Variants in PLAGL1 observed in about 807,000 individuals in gnomAD.
PLAGL1 encodes the protein zinc finger protein PLAGL1.
PLAGL1 carries 1 observed loss-of-function variant against 4.6 expected under a neutral mutation model. That is an observed-to-expected ratio of 0.22 (90% confidence interval 0.08 to 1.03). The LOEUF is 1.03. Among genes scored for constraint, PLAGL1 ranks in the 50% least tolerant of loss-of-function variants. The probability of loss-of-function intolerance (pLI) is 0.58; values close to 1 mark genes in which losing one functional copy is unlikely to be tolerated. For synonymous variants in PLAGL1, 240 were observed against 237.8 expected (o/e 1.01, Z -0.08); for missense variants, 464 against 570.4 (o/e 0.81, Z 1.90).
upstream of PLAGL1, among the ~76,000 whole-genome samples, chr6:144,009,348 T>G (rs972380561): frequency 6.6e-5 from 10 of 152,212 alleles, no homozygotes; most frequent in African/African-American, 2.4e-4. Context: ...TAGTTCTTGA[T>G]GGACTTCCTT....
In PLAGL1 at chr6:143,953,026, C is replaced by CACTTGCTG. The variant is rs1186295528; in HGVS notation, c.-324-4574_-324-4567dup. ...CGGAAGGCAAGGCCAAGGATCACTC[C>CACTTGCTG]ACTTGCTGTTTCCTTAAAGTGCTAC... is the stretch of plus-strand genomic sequence containing the variant. On this transcript the variant is annotated intron_variant, in intron 6 of 7. Coordinates refer to ENST00000674357, the MANE Select transcript of PLAGL1 (RefSeq NM_001317162.2). The surrounding 1 kb of genome is among the most constrained non-coding windows in gnomAD (Gnocchi z 5.3). 4.6e-5 allele frequency among the ~76,000 whole-genome samples: 7 copies of CACTTGCTG among 152,220 alleles called. No individual in the cohort carries two copies. Among genetic ancestry groups the CACTTGCTG allele is most frequent in the Admixed American group, 6.5e-5 (1 of 15,286 alleles).
intron 1 of PLAGL1, among the ~76,000 whole-genome samples, chr6:144,030,828 G>C (rs1172083294): frequency 6.6e-6 from 1 of 152,196 alleles, no homozygotes. Flanking sequence ...ATCGTATAAT[G>C]ACTTCTTTTC....
At chr6:143,980,844 G>T (rs1187312856) in intron 2 of PLAGL1, among the ~76,000 whole-genome samples, 1 of 152,172 alleles carries the variant, frequency 6.6e-6, no homozygotes, top group Non-Finnish European at 1.5e-5. Flanking sequence ...CTGGGATACA[G>T]TTAAGCTACT....
Position 143,968,797 on chromosome 6 carries a change from A to C in PLAGL1, c.-472+110T>G, listed in dbSNP as rs1330697851. ...AGCCCCTCTACCATGGAGGAGGCGA[A>C]GGCTCTGGTTTGTGCTGTAATGCGA... On this transcript the variant is annotated intron_variant, in intron 3 of 7. Coordinates refer to ENST00000674357, the MANE Select transcript of PLAGL1 (RefSeq NM_001317162.2). This position sits in a 1 kb window ranked among gnomAD's most constrained non-coding sequence, Gnocchi z 6.3. The C allele has an allele frequency of 3.3e-5, 5 of 152,370 alleles. No individual in the cohort carries two copies. In the East Asian group the frequency reaches 7.7e-4, roughly 24 times the overall value. 9.4% of individuals were successfully genotyped at this position (152,370 alleles called of 1,614,324 possible).
Position 144,059,839 on chromosome 6 carries a change from T to C in PLAGL1, c.-151+4629A>G, listed in dbSNP as rs757751870. ...TAGGGCCTTTTTGAGAGATCAGCCT[T>C]GAGGTCCATTTTGGGAGATAACCTC... On this transcript the variant is annotated intron_variant, in intron 1 of 3. Transcript: ENST00000437412. The surrounding 1 kb of genome is among the most constrained non-coding windows in gnomAD (Gnocchi z 4.9). Among the ~76,000 whole-genome samples, 1 of 152,162 alleles carries C rather than the reference T, an allele frequency of 6.6e-6. No individual in the cohort carries two copies. The highest frequency in any genetic ancestry group is 1.5e-5 in the Non-Finnish European group (1 of 68,032).
chr6:144,017,193 A>G (rs1418018448), intron 1 of PLAGL1, among the ~76,000 whole-genome samples: 1 of 152,200 alleles, frequency 6.6e-6, no homozygotes, highest in Non-Finnish European at 1.5e-5. Flanking sequence ...ACCTGTATAC[A>G]TATGTAGTTT....
chr6:143,971,192 C>G lies in PLAGL1; in HGVS notation c.-543-2214G>C, dbSNP rs1785354087. ...TTCTGTTTCATGAGAAATCTAAAAT[C>G]TCAGAATCACATCCCGCTGACCCGA... On this transcript the variant is annotated intron_variant, in intron 2 of 7. Transcript: ENST00000674357. The surrounding 1 kb of genome is among the most constrained non-coding windows in gnomAD (Gnocchi z 4.7). 6.6e-6 allele frequency among the ~76,000 whole-genome samples: 1 copy of G among 151,898 alleles called. No individual in the cohort carries two copies. The highest frequency in any genetic ancestry group is 1.5e-5 in the Non-Finnish European group (1 of 67,990).
rs1419768535 is a variant in PLAGL1, at chr6:143,966,707, C to A, written c.-471-509G>T. ...TAAGTTATTCCCCAAATAAAGTATT[C>A]TTTGTTATAGTATAAGCATGCATAA... On this transcript the variant is annotated intron_variant, in intron 3 of 7. Coordinates refer to ENST00000674357, the MANE Select transcript of PLAGL1 (RefSeq NM_001317162.2). The surrounding 1 kb of genome is among the most constrained non-coding windows in gnomAD (Gnocchi z 6.0). The A allele has an allele frequency of 2.0e-5, 3 of 152,114 alleles. No homozygotes were observed. The highest frequency in any genetic ancestry group is 3.8e-4 in the East Asian group (2 of 5,202). The allele number at this position is 152,114 out of a possible 1,614,324, so 9.4% of individuals were successfully genotyped here.
At chr6:144,026,747 G>A (rs1216722663) in intron 1 of PLAGL1, among the ~76,000 whole-genome samples, 1 of 152,162 alleles carries the variant, frequency 6.6e-6, no homozygotes, top group African/African-American at 2.4e-5. Flanking sequence ...TACTGCTCAA[G>A]ATCTGTTAGT....
At chr6:144,007,053 C>T (rs1386214420) in intron 1 of PLAGL1, 1 of 152,210 alleles carries the variant, frequency 6.6e-6, no homozygotes, top group African/African-American at 2.4e-5. Context: ...AGGCGTGCAA[C>T]TGCTGGATCA....
chr6:144,007,600 T>A (rs1794539258), intron 1 of PLAGL1: 1 of 152,096 alleles, frequency 6.6e-6, no homozygotes, highest in South Asian at 2.1e-4. Flanking sequence ...TCTAGGAAAT[T>A]TTTAGGACCC....
intron 1 of PLAGL1, among the ~76,000 whole-genome samples, chr6:144,002,373 G>A (rs1442615278): frequency 6.6e-6 from 1 of 152,016 alleles, no homozygotes; most frequent in African/African-American, 2.4e-5. Flanking sequence ...AAAAGGCAAG[G>A]ATATCCTTTG....
chr6:143,944,219 G>A (rs1779267206), intron 7 of PLAGL1, among the ~76,000 whole-genome samples: 1 of 152,068 alleles, frequency 6.6e-6, no homozygotes, highest in Non-Finnish European at 1.5e-5. Context: ...GTATGTTTAA[G>A]TCAAAAGTAT....
chr6:143,995,699 A>AT lies in PLAGL1; in HGVS notation c.-583-10526dup, dbSNP rs896608850. On this transcript the variant is annotated intron_variant, in intron 1 of 7. Transcript: ENST00000674357. The surrounding 1 kb of genome is among the most constrained non-coding windows in gnomAD (Gnocchi z 4.4). The stretch of plus-strand genomic sequence containing the variant: ...AATGTTTCAAATCTGAAATATAAGG[A>AT]TTTTTTTTTTCCTGAAGACTAAAGG... 4.7e-4 allele frequency among the ~76,000 whole-genome samples: 71 copies of AT among 150,440 alleles called. No homozygotes were observed. Among genetic ancestry groups the AT allele is most frequent in the Middle Eastern group, 3.5e-3 (1 of 286 alleles).
intron 1 of PLAGL1, among the ~76,000 whole-genome samples, chr6:144,062,470 CAAAAAAAAAA>C (rs543521128): frequency 7.9e-5 from 6 of 75,722 alleles, no homozygotes; most frequent in East Asian, 8.6e-4. Flanking sequence ...GTTATCAGAC[CAAAAAAAAAA>C]AAAAAAAAAA....
At chr6:143,974,955 G>A (rs780935412) in intron 2 of PLAGL1, among the ~76,000 whole-genome samples, 10 of 152,076 alleles carry the variant, frequency 6.6e-5, no homozygotes, top group Admixed American at 1.3e-4. Context: ...ATCCATTTAC[G>A]TATCTTTCAA....
chr6:144,046,844 G>C (rs1327513233), intron 1 of PLAGL1, among the ~76,000 whole-genome samples: 2 of 152,166 alleles, frequency 1.3e-5, no homozygotes, highest in African/African-American at 4.8e-5. Flanking sequence ...GCTGCGGGTG[G>C]GCTCCACCCA....
intron 1 of PLAGL1, among the ~76,000 whole-genome samples, chr6:144,029,043 A>T (rs1796591740): frequency 6.6e-6 from 1 of 152,166 alleles, no homozygotes; most frequent in African/African-American, 2.4e-5. Flanking sequence ...ACATTTTATT[A>T]CTATATGTTT....
In PLAGL1 at chr6:143,979,319, TTAATTA is replaced by T. The variant is rs1284553027; in HGVS notation, c.-544+5810_-544+5815del. Among the ~76,000 whole-genome samples, 1 of 151,286 alleles carries T rather than the reference TTAATTA, an allele frequency of 6.6e-6. No homozygotes were observed. The highest frequency in any genetic ancestry group is 1.5e-5 in the Non-Finnish European group (1 of 67,418). ...TATTAAATCTGACATTCTTTGCCTT[TTAATTA>T]TGACAGTTAGACCATTTATGCTTAA... On this transcript the variant is annotated intron_variant, in intron 2 of 7. Transcript: ENST00000674357. The surrounding 1 kb of genome is among the most constrained non-coding windows in gnomAD (Gnocchi z 4.6).
Sources: allele counts gnomAD v4.1 joint callset (sites outside exome capture counted in the v4.1 genomes callset), GRCh38; gene constraint gnomAD v4.1.1; non-coding constraint Gnocchi (gnomAD v3.1); transcripts MANE v1.5; gene names NCBI Gene and HGNC (gene_info 2026-07-23, HGNC 2026-07-21).